The following DEDD2 variants were observed in gnomAD, a reference collection of about 807,000 sequenced individuals.
DEDD2 encodes the protein DNA-binding death effector domain-containing protein 2.
In DEDD2, 18 loss-of-function variants were observed where a neutral mutation model predicts 28.9. The observed-to-expected ratio is 0.62, with a 90% CI of 0.43 to 0.92. The LOEUF is 0.92. Ranked by LOEUF, DEDD2 falls within the 40% of genes least tolerant of loss-of-function variation. The pLI is 0.00. For synonymous variants in DEDD2, 211 were observed against 206.1 expected, an observed-to-expected ratio of 1.02 and a Z score of -0.20; for missense variants, 411 against 463.3, an observed-to-expected ratio of 0.89 and a Z score of 1.04.
intron 4 of DEDD2, among the ~76,000 whole-genome samples, chr19:42,206,630 A>G (rs1276710587): frequency 6.6e-6 from 1 of 152,028 alleles, no homozygotes; most frequent in East Asian, 1.9e-4. Context: ...AGTGCCCACC[A>G]CAGACCCTGA....
At position 42,199,534 on chromosome 19, in the gene DEDD2, C is replaced by A. The variant is rs769188803; in HGVS notation, c.885G>T (p.Leu295=). 3.7e-6 allele frequency: 6 copies of A among 1,613,972 alleles called. No individual in the cohort carries two copies. The highest frequency in any genetic ancestry group is 4.2e-6 in the Non-Finnish European group (5 of 1,179,994). ...AGTCAGCCTCATCCACACTGACCAG[C>A]AGGCGAACAGCCTCCCGGCCCACAG... The part of the protein sequence containing the change: ...REAVGREAVR[L]LVSVDEADYE... Residue 295 remains leucine (L), a synonymous_variant, in exon 5 of 5, where the codon CTG becomes CTT. Transcript: ENST00000596251. This position sits in a 1 kb window ranked among gnomAD's most constrained non-coding sequence, Gnocchi z 7.4.
intron 4 of DEDD2, among the ~76,000 whole-genome samples, chr19:42,203,968 G>C (rs2035430557): frequency 6.6e-6 from 1 of 152,224 alleles, no homozygotes; most frequent in Admixed American, 6.5e-5. Flanking sequence ...TTTCCATTTT[G>C]GCAGCTGTGG....
chr19:42,199,088 C>T lies in DEDD2; in HGVS notation c.*350G>A, dbSNP rs906199946. 2 of 292,506 alleles carry T rather than the reference C, an allele frequency of 6.8e-6. No individual in the cohort carries two copies. Among genetic ancestry groups the T allele is most frequent in the South Asian group, 5.2e-5 (1 of 19,142 alleles). The allele number at this position is 292,506 out of a possible 1,614,324, so 18.1% of individuals were successfully genotyped here. On this transcript the variant is annotated 3_prime_UTR_variant, in exon 5 of 5. Coordinates refer to ENST00000596251, the MANE Select transcript of DEDD2 (RefSeq NM_133328.4). The surrounding 1 kb of genome is among the most constrained non-coding windows in gnomAD (Gnocchi z 7.4). The stretch of plus-strand genomic sequence containing the variant: ...GTGTGAGCATGAGCGAGTGTGTGCA[C>T]CTGTGACAGTGCAGACAGCCCAAGA...
chr19:42,202,256 C>T (rs1599754294), intron 4 of DEDD2, among the ~76,000 whole-genome samples: 2 of 152,170 alleles, frequency 1.3e-5, no homozygotes, highest in African/African-American at 4.8e-5. Context: ...CTCTCTCTCA[C>T]GGGTCCCTAA....
intron 4 of DEDD2, among the ~76,000 whole-genome samples, chr19:42,206,346 G>A (rs757633802): frequency 3.9e-5 from 6 of 151,910 alleles, no homozygotes; most frequent in African/African-American, 1.2e-4. Flanking sequence ...CCTCTCCATC[G>A]GGAACACCCT....
Position 42,215,169 on chromosome 19 carries a change from T to C in DEDD2, c.412A>G (p.Ser138Gly). ...GSCRRRRQSSSSANSQQGQWE... is the reference protein window; with the variant it reads ...GSCRRRRQSSGSANSQQGQWE... ...TGACCCTGCTGAGAATTTGCAGAACTGCTTGACTGCCGACGGCGACGGCAG... is the reference window on the plus strand; with the variant it reads ...TGACCCTGCTGAGAATTTGCAGAACCGCTTGACTGCCGACGGCGACGGCAG... Residue 138 changes from serine to glycine, a missense_variant, in exon 3 of 5, where the codon AGT becomes GGT. Coordinates refer to ENST00000596251, the MANE Select transcript of DEDD2 (RefSeq NM_133328.4). 1 of 1,614,180 alleles carries C rather than the reference T, an allele frequency of 6.2e-7. No homozygotes were observed. The highest frequency in any genetic ancestry group is 1.1e-5 in the South Asian group (1 of 91,090).
intron 4 of DEDD2, among the ~76,000 whole-genome samples, chr19:42,202,599 T>C (rs916901683): frequency 6.6e-6 from 1 of 152,204 alleles, no homozygotes; most frequent in Non-Finnish European, 1.5e-5. Context: ...AGATATTTTA[T>C]GAATGCCAGG....
chr19:42,205,311 C>T (rs1385451283), intron 4 of DEDD2, among the ~76,000 whole-genome samples: 3 of 152,172 alleles, frequency 2.0e-5, no homozygotes, highest in Non-Finnish European at 1.5e-5. Context: ...TAAGGAGTTA[C>T]TAATCTTTTT....
intron 1 of DEDD2, among the ~76,000 whole-genome samples, 199 bp downstream of exon 1, chr19:42,217,433 T>C (rs1305136697): frequency 1.3e-5 from 2 of 152,148 alleles, no homozygotes; most frequent in Non-Finnish European, 2.9e-5. Flanking sequence ...CCCCCGGCTC[T>C]ACGCAAGTGG....
At chr19:42,217,161 C>A in intron 1 of DEDD2, 116 bp from the exon 2 acceptor site, 2 of 754,924 alleles carry the variant, frequency 2.6e-6, no homozygotes, top group Non-Finnish European at 4.2e-6. Context: ...CCCGCACCCC[C>A]AACCGCCTCG....
Position 42,209,720 on chromosome 19 carries a change from G to A in DEDD2, c.569C>T (p.Ser190Phe). ...QQQSEPARPS[S>F]EGKVTCDIRL... is the part of the protein sequence containing the mutation. ...CCTACCACAGGTCACTTTGCCTTCA[G>A]AGGAAGGTCTGGCGGGCTCTGACTG... Residue 190 changes from serine to phenylalanine, a missense_variant, in exon 4 of 5, where the codon TCT (serine) becomes TTT (phenylalanine). Physicochemically the swap from Ser to Phe is radical, Grantham distance 155 (BLOSUM62 -2). Coordinates refer to ENST00000596251, the MANE Select transcript of DEDD2 (RefSeq NM_133328.4). 8 of 1,608,316 alleles carry A rather than the reference G, an allele frequency of 5.0e-6. No homozygotes were observed. The highest frequency in any genetic ancestry group is 6.8e-6 in the Non-Finnish European group (8 of 1,177,466).
chr19:42,214,000 T>A (rs892658178), intron 3 of DEDD2, among the ~76,000 whole-genome samples: 1 of 152,180 alleles, frequency 6.6e-6, no homozygotes, highest in African/African-American at 2.4e-5. Context: ...GGGTAAAGCA[T>A]CCTGATGTCT....
chr19:42,202,302 G>A (rs888054611), intron 4 of DEDD2, among the ~76,000 whole-genome samples: 5 of 151,890 alleles, frequency 3.3e-5, no homozygotes, highest in African/African-American at 1.2e-4. Flanking sequence ...AGTCCCTGCC[G>A]TGTCCCCCCA....
chr19:42,209,246 AAAAAGAAAAG>A (rs534313440), intron 4 of DEDD2, among the ~76,000 whole-genome samples: 2 of 152,154 alleles, frequency 1.3e-5, no homozygotes, highest in Non-Finnish European at 2.9e-5. Context: ...GTCTCAAAAA[AAAAAGAAAAG>A]AAAAGAAACG....
At chr19:42,211,534 C>T (rs576616283) in intron 3 of DEDD2, among the ~76,000 whole-genome samples, 1 of 152,062 alleles carries the variant, frequency 6.6e-6, no homozygotes, top group Non-Finnish European at 1.5e-5. Flanking sequence ...AACAATTATT[C>T]AAGTAACTTG....
At chr19:42,200,645 A>C (rs1286209488) in intron 4 of DEDD2, among the ~76,000 whole-genome samples, 1 of 152,202 alleles carries the variant, frequency 6.6e-6, no homozygotes, top group African/African-American at 2.4e-5. Flanking sequence ...AGCTGCTGGG[A>C]GCCACTGTGC....
upstream of DEDD2, among the ~76,000 whole-genome samples, chr19:42,218,144 C>T (rs1395078579): frequency 6.6e-6 from 1 of 152,122 alleles, no homozygotes; most frequent in Non-Finnish European, 1.5e-5. Context: ...CCTGGGCACT[C>T]CTCCATTAGA....
At position 42,215,214 on chromosome 19, in the gene DEDD2, A is replaced by G. The variant is rs1268650135; in HGVS notation, c.367T>C (p.Ser123Pro). 6.2e-7 allele frequency: 1 copy of G among 1,613,622 alleles called. No homozygotes were observed. The highest frequency in any genetic ancestry group is 1.3e-5 in the African/African-American group (1 of 74,890). Residue 123 changes from serine (S) to proline (P), a missense_variant, in exon 3 of 5, where the codon TCA (serine) becomes CCA (proline). Physicochemically the swap from Ser to Pro is moderately conservative, Grantham distance 74. Around this residue, in one of 2 missense-constraint regions of DEDD2, gnomAD observed 282 missense variants for 273.4 expected, o/e 1.03. Transcript: ENST00000596251. ...ERYSYGTSSS[S>P]KRTEGSCRRR... Reference sequence around the variant, plus strand: ...CGGCAGCTACCCTCTGTCCTCTTTGAAGAGCTGGAGGTGCCATAGCTATAG... The same window carrying G: ...CGGCAGCTACCCTCTGTCCTCTTTGGAGAGCTGGAGGTGCCATAGCTATAG...
rs375047145 is a variant in DEDD2 at position 42,204,040 on chromosome 19, G to A, written c.590-4211C>T. ...GTGCCATGCCTTCCTAGAGAGGAGA[G>A]CTGCTCCTGCTTCCTGCACTCAGGT... On this transcript the variant is annotated intron_variant, in intron 4 of 4. Transcript: ENST00000596251. Among the ~76,000 whole-genome samples the A allele has an allele frequency of 2.4e-4, 37 of 152,308 alleles. No individual in the cohort carries two copies. The South Asian group carries it at 7.7e-3, about 32-fold the overall frequency.
Sources: allele counts gnomAD v4.1 joint callset (sites outside exome capture counted in the v4.1 genomes callset), GRCh38; gene constraint gnomAD v4.1.1; regional missense constraint gnomAD v4.1.1; non-coding constraint Gnocchi (gnomAD v3.1); transcripts MANE v1.5; gene names NCBI Gene and HGNC (gene_info 2026-07-23, HGNC 2026-07-21).